The following PPFIA2 variants were observed in gnomAD, a reference collection of about 807,000 sequenced individuals.
PPFIA2 encodes the protein PPFI scaffold protein A2.
In PPFIA2, 46 loss-of-function variants were observed where a neutral mutation model predicts 175.5. The observed-to-expected ratio is 0.26, with a 90% CI of 0.21 to 0.34. The LOEUF is 0.34. PPFIA2 is among the 10% of genes least tolerant of loss of function. The probability of loss-of-function intolerance (pLI) is 1.00; values close to 1 mark genes in which losing one functional copy is unlikely to be tolerated. For missense variants in PPFIA2, 1,179 were observed against 1,506.1 expected, an observed-to-expected ratio of 0.78 and a Z score of 3.60; for synonymous variants, 568 against 511.4, an observed-to-expected ratio of 1.11 and a Z score of -1.49.
chr12:81,383,563 C>A (rs1200956443), intron 9 of PPFIA2, among the ~76,000 whole-genome samples: 3 of 151,584 alleles, frequency 2.0e-5, no homozygotes, highest in African/African-American at 7.3e-5. Flanking sequence ...AATATATAGA[C>A]AAAGAAAGGT....
At chr12:81,294,099 G>A (rs530211584) in intron 24 of PPFIA2, among the ~76,000 whole-genome samples, 151 of 152,194 alleles carry the variant, frequency 9.9e-4, no homozygotes, top group African/African-American at 3.4e-3. Context: ...ATGGGTACAT[G>A]TGGACAGGTA....
chr12:81,495,040 A>G (rs1221797223), intron 4 of PPFIA2, among the ~76,000 whole-genome samples: 2 of 151,768 alleles, frequency 1.3e-5, no homozygotes, highest in Non-Finnish European at 2.9e-5. Flanking sequence ...ACATGTATAC[A>G]TATGTAACTA....
At chr12:81,757,598 T>C (rs1414589392) in intron 2 of PPFIA2, among the ~76,000 whole-genome samples, 1 of 152,168 alleles carries the variant, frequency 6.6e-6, no homozygotes, top group Non-Finnish European at 1.5e-5. Context: ...ATCAGGAAAA[T>C]AACTCCTTTA....
At chr12:81,372,493 A>G (rs1484852019) in intron 11 of PPFIA2, among the ~76,000 whole-genome samples, 2 of 147,994 alleles carry the variant, frequency 1.4e-5, no homozygotes, top group African/African-American at 5.0e-5. Context: ...ATAAGGAAAT[A>G]TCAGAAACAA....
intron 3 of PPFIA2, among the ~76,000 whole-genome samples, chr12:81,721,137 A>G (rs1026877264): frequency 6.6e-6 from 1 of 150,962 alleles, no homozygotes; most frequent in Non-Finnish European, 1.5e-5. Context: ...AAACTACATT[A>G]ATATTACAGA....
chr12:81,334,448 A>G (rs989359938), intron 21 of PPFIA2, among the ~76,000 whole-genome samples: 2 of 151,734 alleles, frequency 1.3e-5, no homozygotes, highest in African/African-American at 4.8e-5. Flanking sequence ...AGTAGGAATA[A>G]ATAAATTATT....
chr12:81,423,092 G>A (rs935279374), intron 7 of PPFIA2, among the ~76,000 whole-genome samples: 14 of 151,830 alleles, frequency 9.2e-5, no homozygotes, highest in East Asian at 5.8e-4. Flanking sequence ...TAGATAATCC[G>A]AACAGAAAAA....
At chr12:81,542,424 T>C (rs1169948954) in intron 4 of PPFIA2, among the ~76,000 whole-genome samples, 1 of 152,178 alleles carries the variant, frequency 6.6e-6, no homozygotes, top group African/African-American at 2.4e-5. Context: ...TTGTGGTAAT[T>C]TGTTACCACA....
chr12:81,629,665 G>C (rs1248720978), intron 4 of PPFIA2, among the ~76,000 whole-genome samples: 1 of 152,138 alleles, frequency 6.6e-6, no homozygotes, highest in Admixed American at 6.5e-5. Context: ...TTTCATTCCA[G>C]CACCCATCAA....
chr12:81,602,435 A>G (rs1244257922), intron 4 of PPFIA2, among the ~76,000 whole-genome samples: 2 of 151,874 alleles, frequency 1.3e-5, no homozygotes, highest in South Asian at 2.1e-4. Context: ...GTAGATGGAA[A>G]AGAAAAAAGG....
intron 4 of PPFIA2, among the ~76,000 whole-genome samples, chr12:81,511,219 A>G (rs565893617): frequency 3.3e-5 from 5 of 152,250 alleles, no homozygotes; most frequent in East Asian, 3.9e-4. Context: ...GCATTTTCCA[A>G]TAGTGTCAAG....
intron 4 of PPFIA2, among the ~76,000 whole-genome samples, chr12:81,666,224 C>G (rs1219108225): frequency 2.0e-5 from 3 of 152,148 alleles, no homozygotes; most frequent in African/African-American, 7.2e-5. Flanking sequence ...GGATCTAGAA[C>G]TAGAAATACT....
chr12:81,493,146 A>G (rs1041315691), intron 4 of PPFIA2, among the ~76,000 whole-genome samples: 1 of 152,092 alleles, frequency 6.6e-6, no homozygotes, highest in African/African-American at 2.4e-5. Flanking sequence ...TTGATGCGTT[A>G]AATTGAGATG....
intron 7 of PPFIA2, among the ~76,000 whole-genome samples, chr12:81,414,034 A>G (rs150509900): frequency 2.1e-4 from 32 of 151,868 alleles, no homozygotes; most frequent in African/African-American, 7.5e-4. Flanking sequence ...TCTTTCCAGT[A>G]ACCTTGTAAA....
intron 3 of PPFIA2, among the ~76,000 whole-genome samples, chr12:81,689,754 C>T (rs1254146075): frequency 6.6e-6 from 1 of 152,018 alleles, no homozygotes; most frequent in Non-Finnish European, 1.5e-5. Flanking sequence ...ATCCTTATCT[C>T]TCCTTTCCTT....
At chr12:81,544,464 G>T (rs1025150630) in intron 4 of PPFIA2, among the ~76,000 whole-genome samples, 6 of 152,232 alleles carry the variant, frequency 3.9e-5, no homozygotes, top group Admixed American at 2.6e-4. Context: ...AGCTGTTCTA[G>T]CTAATGGGGC....
At chr12:81,411,006 G>GC (rs2043865946) in intron 7 of PPFIA2, among the ~76,000 whole-genome samples, 1 of 151,932 alleles carries the variant, frequency 6.6e-6, no homozygotes, top group Admixed American at 6.6e-5. Context: ...CCCCTTTTGT[G>GC]CCCCAACTCA....
chr12:81,754,869 T>C (rs956588916), intron 2 of PPFIA2, among the ~76,000 whole-genome samples: 1 of 152,218 alleles, frequency 6.6e-6, no homozygotes, highest in African/African-American at 2.4e-5. Context: ...ATTACTTTTA[T>C]ATGCTCTCTC....
intron 6 of PPFIA2, among the ~76,000 whole-genome samples, chr12:81,443,529 C>A: frequency 6.7e-6 from 1 of 148,832 alleles, no homozygotes; most frequent in East Asian, 1.9e-4. Flanking sequence ...GTACAACAAC[C>A]ATTTTTTTCT....
Sources: allele counts gnomAD v4.1 joint callset (sites outside exome capture counted in the v4.1 genomes callset), GRCh38; gene constraint gnomAD v4.1.1; transcripts MANE v1.5; gene names NCBI Gene and HGNC (gene_info 2026-07-23, HGNC 2026-07-21).